FANCB: variants seen among roughly 807,000 people sequenced by gnomAD.
The protein encoded by FANCB is FA complementation group B.
FANCB carries 5 observed loss-of-function variants against 38.9 expected under a neutral mutation model. The ratio of observed to expected loss-of-function variants is 0.13; its 90% CI spans 0.07 to 0.27. The LOEUF is 0.27. Ranked by LOEUF, FANCB falls within the 10% of genes least tolerant of loss-of-function variation. The pLI is 1.00. For synonymous variants in FANCB, 236 were observed against 215.4 expected (o/e 1.10, Z -0.84); for missense variants, 573 against 602.7 (o/e 0.95, Z 0.52).
chrX:14,798,142 T>G, the FANCB span, among the ~76,000 whole-genome samples: 5 of 110,637 alleles, frequency 4.5e-5, no homozygotes, highest in East Asian at 1.4e-3. Context: ...TTTGTTTTTT[T>G]TTTGTTTTTG....
At chrX:14,763,545 C>T in the FANCB span, among the ~76,000 whole-genome samples, 6 of 111,933 alleles carry the variant, frequency 5.4e-5, no homozygotes, top group South Asian at 7.5e-4. Context: ...AAGGGAGCTT[C>T]TAGGAAGCTT....
At chrX:14,866,963 A>G (rs964003677) in intron 2 of FANCB, among the ~76,000 whole-genome samples, 1 of 112,129 alleles carries the variant, frequency 8.9e-6, no homozygotes, top group African/African-American at 3.2e-5. Context: ...AAAAGAAATC[A>G]AGAAAACAAT....
At chrX:14,852,993 A>G in intron 6 of FANCB, 46 bp downstream of exon 6, 1 of 1,131,720 alleles carries the variant, frequency 8.8e-7, no homozygotes, top group Non-Finnish European at 1.2e-6. Flanking sequence ...TAGCTTATAG[A>G]TTTTCAATTC....
the FANCB span, among the ~76,000 whole-genome samples, chrX:14,809,844 G>A: frequency 2.7e-5 from 3 of 112,465 alleles, no homozygotes; most frequent in Non-Finnish European, 3.8e-5. Flanking sequence ...CTCCCAGCAC[G>A]CAGCTGGAGA....
chrX:14,706,970 A>C, the FANCB span, among the ~76,000 whole-genome samples: 2 of 111,806 alleles, frequency 1.8e-5, no homozygotes, highest in Non-Finnish European at 3.8e-5. Context: ...TTAATTCAAC[A>C]CAGAATCATT....
chrX:14,730,597 GGA>G, the FANCB span: 1 of 118,916 alleles, frequency 8.4e-6, no homozygotes, highest in Non-Finnish European at 1.7e-5. Context: ...GAGGGGGGAG[GGA>G]GGGTCATGGG....
the FANCB span, among the ~76,000 whole-genome samples, chrX:14,788,292 A>C: frequency 2.7e-5 from 3 of 111,363 alleles, no homozygotes; most frequent in Non-Finnish European, 5.7e-5. Context: ...ACTACATAAG[A>C]GGTTAAGGTT....
At chrX:14,806,815 T>C in the FANCB span, among the ~76,000 whole-genome samples, 1 of 112,143 alleles carries the variant, frequency 8.9e-6, no homozygotes, top group Non-Finnish European at 1.9e-5. Flanking sequence ...TAAATTAAAA[T>C]GGATATACTT....
At chrX:14,763,186 A>G in the FANCB span, among the ~76,000 whole-genome samples, 1 of 111,834 alleles carries the variant, frequency 8.9e-6, no homozygotes, top group Non-Finnish European at 1.9e-5. Flanking sequence ...ACTCCTAAAT[A>G]TCTACTCAAA....
At chrX:14,710,002 A>G in the FANCB span, among the ~76,000 whole-genome samples, 1 of 112,005 alleles carries the variant, frequency 8.9e-6, no homozygotes, top group Non-Finnish European at 1.9e-5. Context: ...TGTGGAAAGC[A>G]ATGACATGAT....
chrX:14,741,862 A>C, the FANCB span, among the ~76,000 whole-genome samples: 4 of 111,770 alleles, frequency 3.6e-5, no homozygotes, highest in South Asian at 1.5e-3. Flanking sequence ...GATTTTTTTA[A>C]AAACGGGCTA....
At chrX:14,777,925 T>C in the FANCB span, among the ~76,000 whole-genome samples, 1 of 112,117 alleles carries the variant, frequency 8.9e-6, no homozygotes, top group Non-Finnish European at 1.9e-5. Context: ...ATGTGAGTTC[T>C]CTGGATCTCT....
chrX:14,813,981 T>C, the FANCB span, among the ~76,000 whole-genome samples: 1 of 111,407 alleles, frequency 9.0e-6, no homozygotes, highest in Admixed American at 9.5e-5. Context: ...AACAGAGATA[T>C]AGACCAATGG....
chrX:14,831,015 T>C (rs1473223617), downstream of FANCB, among the ~76,000 whole-genome samples: 2 of 111,986 alleles, frequency 1.8e-5, no homozygotes, highest in Non-Finnish European at 3.8e-5. Context: ...TTGTGAACTT[T>C]ATGTTAGTCT....
the FANCB span, among the ~76,000 whole-genome samples, chrX:14,691,864 C>G: frequency 8.9e-6 from 1 of 111,957 alleles, no homozygotes; most frequent in Non-Finnish European, 1.9e-5. Flanking sequence ...ATTTTATGTA[C>G]AGTAGAGAGA....
At chrX:14,705,360 T>C in the FANCB span, among the ~76,000 whole-genome samples, 2 of 111,889 alleles carry the variant, frequency 1.8e-5, no homozygotes, top group African/African-American at 6.5e-5. Flanking sequence ...TGGAGGCGTT[T>C]TTAGTTCTCA....
At chrX:14,723,589 G>A in the FANCB span, among the ~76,000 whole-genome samples, 4 of 111,692 alleles carry the variant, frequency 3.6e-5, no homozygotes, top group Non-Finnish European at 5.6e-5. Context: ...TCAGACACTG[G>A]TTTACAGGGC....
the FANCB span, among the ~76,000 whole-genome samples, chrX:14,727,565 CTGAG>C: frequency 2.7e-5 from 3 of 112,176 alleles, no homozygotes; most frequent in East Asian, 5.6e-4. Context: ...TTGCTAAGCA[CTGAG>C]TAAGTCTTCA....
At chrX:14,690,894 T>C in the FANCB span, 1 of 1,183,783 alleles carries the variant, frequency 8.4e-7, no homozygotes, top group Non-Finnish European at 1.1e-6. Context: ...AATGTAGAGC[T>C]TGAGTTGGTT....
Sources: gnomAD v4.1 joint callset for allele counts (sites outside exome capture counted in the v4.1 genomes callset) on GRCh38, gnomAD v4.1.1 for gene constraint, MANE v1.5 for transcripts, NCBI Gene and HGNC (gene_info 2026-07-23, HGNC 2026-07-21) for gene names.